The following MAP2K4 variants were observed in gnomAD, a reference collection of about 807,000 sequenced individuals.
MAP2K4 encodes the protein mitogen-activated protein kinase kinase 4, also known as dual specificity mitogen-activated protein kinase kinase 4.
Under a neutral mutation model 48.5 loss-of-function variants are expected in MAP2K4, and 4 were observed. The observed-to-expected ratio is 0.08, with a 90% confidence interval of 0.04 to 0.19. MAP2K4 has a LOEUF of 0.19. Ranked by LOEUF, MAP2K4 falls within the 10% of genes least tolerant of loss-of-function variation. The pLI, the probability that MAP2K4 is intolerant of heterozygous loss-of-function variation, is 1.00. For missense variants in MAP2K4, 258 were observed against 493.3 expected (o/e 0.52, Z 4.52); for synonymous variants, 166 against 173.1 (o/e 0.96, Z 0.32).
chr17:12,021,218 T>C, intron 1 of MAP2K4: 1 of 309,966 alleles, frequency 3.2e-6, no homozygotes, highest in Non-Finnish European at 5.9e-6. Context: ...CCGCGGCCTC[T>C]GCCTGCGCTT....
At chr17:12,056,509 T>C (rs1970286877) in intron 2 of MAP2K4, among the ~76,000 whole-genome samples, 1 of 152,100 alleles carries the variant, frequency 6.6e-6, no homozygotes, top group Non-Finnish European at 1.5e-5. Flanking sequence ...CATCCTTTGT[T>C]TCTTCCCAGC....
At chr17:12,115,275 C>T (rs1207083972) in intron 7 of MAP2K4, among the ~76,000 whole-genome samples, 2 of 152,086 alleles carry the variant, frequency 1.3e-5, no homozygotes, top group Non-Finnish European at 2.9e-5. Context: ...GTTGCTTAAC[C>T]GTGGGAATAT....
chr17:12,115,850 AT>A, intron 7 of MAP2K4: 1 of 697,980 alleles, frequency 1.4e-6, no homozygotes, highest in Admixed American at 1.8e-5. Context: ...GAATAAAACC[AT>A]GTACTGCATC....
At chr17:12,113,893 A>T (rs1972391629) in intron 7 of MAP2K4, among the ~76,000 whole-genome samples, 1 of 151,890 alleles carries the variant, frequency 6.6e-6, no homozygotes, top group Non-Finnish European at 1.5e-5. Context: ...TAGATATCAA[A>T]CTCATCTTAC....
chr17:12,111,775 C>T (rs1226327054), intron 6 of MAP2K4, among the ~76,000 whole-genome samples: 2 of 152,094 alleles, frequency 1.3e-5, no homozygotes, highest in South Asian at 2.1e-4. Context: ...TCTCTTTAAA[C>T]TTCAGGGAAA....
intron 4 of MAP2K4, among the ~76,000 whole-genome samples, chr17:12,103,896 TTTTA>T (rs1972024693): frequency 6.6e-6 from 1 of 152,012 alleles, no homozygotes; most frequent in African/African-American, 2.4e-5. Context: ...AAATACACCT[TTTTA>T]TTTTATTTTT....
chr17:12,041,656 G>GA (rs3838884), intron 1 of MAP2K4, among the ~76,000 whole-genome samples: 2,093 of 151,714 alleles, frequency 0.014, 17 homozygotes, highest in East Asian at 0.047. Context: ...GATTAATGAG[G>GA]AAAAAAAAGA....
At chr17:12,054,108 A>T (rs1464110108) in intron 1 of MAP2K4, among the ~76,000 whole-genome samples, 2 of 152,158 alleles carry the variant, frequency 1.3e-5, no homozygotes, top group East Asian at 3.9e-4. Context: ...AAGCATTTTC[A>T]TGGTCTGATT....
rs185896100 is a variant in MAP2K4, at chr17:12,029,278, G to A, written c.115+8277G>A. ...CTTTATTTCTTTTATAGGCTTACTA[G>A]CATTCTGTCCTATGCATTTTGATAT... On this transcript the variant is annotated intron_variant, in intron 1 of 10. Coordinates refer to ENST00000353533, the MANE Select transcript of MAP2K4 (RefSeq NM_003010.4). 7.5e-4 allele frequency among the ~76,000 whole-genome samples: 114 copies of A among 152,244 alleles called. 2 individuals are homozygous for A. Among genetic ancestry groups the A allele is most frequent in the Admixed American group, 2.0e-4 (3 of 15,296 alleles).
intron 2 of MAP2K4, among the ~76,000 whole-genome samples, chr17:12,080,152 T>G (rs1331131409): frequency 6.6e-6 from 1 of 152,228 alleles, no homozygotes; most frequent in Non-Finnish European, 1.5e-5. Context: ...TTTAAAGTTC[T>G]AAGTTTTTTG....
At chr17:12,102,736 T>G (rs1971974170) in intron 4 of MAP2K4, among the ~76,000 whole-genome samples, 1 of 152,174 alleles carries the variant, frequency 6.6e-6, no homozygotes. Flanking sequence ...GTATTTCTTG[T>G]CGAGTGATCT....
chr17:12,082,635 C>G (rs28923185), intron 3 of MAP2K4, among the ~76,000 whole-genome samples: 25,632 of 152,164 alleles, frequency 0.17, 2,538 homozygotes, highest in South Asian at 0.3. Flanking sequence ...GTATCCTTCA[C>G]TGTTGAGCAT....
intron 9 of MAP2K4, among the ~76,000 whole-genome samples, chr17:12,133,070 TTTGTTG>T (rs539104400): frequency 7.2e-5 from 11 of 151,752 alleles, no homozygotes; most frequent in East Asian, 1.9e-4. Flanking sequence ...CTTCTTGGGT[TTTGTTG>T]TTGTTGTTGT....
chr17:12,086,549 A>G (rs964774693), intron 3 of MAP2K4, among the ~76,000 whole-genome samples: 18 of 152,318 alleles, frequency 1.2e-4, no homozygotes, highest in Non-Finnish European at 2.2e-4. Context: ...AAAACAGCCA[A>G]AATCAGTACT....
intron 2 of MAP2K4, among the ~76,000 whole-genome samples, chr17:12,070,409 G>A (rs1970765143): frequency 6.6e-6 from 1 of 152,048 alleles, no homozygotes; most frequent in African/African-American, 2.4e-5. Context: ...TCCTAGAAGG[G>A]TTTCTGCCCC....
chr17:12,104,007 G>A (rs1275154676), intron 4 of MAP2K4, among the ~76,000 whole-genome samples: 10 of 151,920 alleles, frequency 6.6e-5, no homozygotes, highest in Non-Finnish European at 5.9e-5. Flanking sequence ...TGACAACTTA[G>A]GTTACAGATT....
intron 2 of MAP2K4, among the ~76,000 whole-genome samples, chr17:12,062,305 C>A (rs950032818): frequency 2.0e-5 from 3 of 152,050 alleles, no homozygotes; most frequent in African/African-American, 4.8e-5. Context: ...TTAATTATTT[C>A]TCAAGCTTTT....
At chr17:12,056,799 A>G (rs1275445925) in intron 2 of MAP2K4, among the ~76,000 whole-genome samples, 1 of 152,156 alleles carries the variant, frequency 6.6e-6, no homozygotes, top group Non-Finnish European at 1.5e-5. Flanking sequence ...TTTGCCATCA[A>G]GCACTAAAAA....
rs113909489 is a variant in MAP2K4 at position 12,090,917 on chromosome 17, T to C, written c.394-4658T>C. On this transcript the variant is annotated intron_variant, in intron 3 of 10. Transcript: ENST00000353533. Reference sequence around the variant, plus strand: ...TTCATGATAACAATGTGTCATAGTCTGCTTTAAAGTTTTTCATACTTACCG... The same window carrying C: ...TTCATGATAACAATGTGTCATAGTCCGCTTTAAAGTTTTTCATACTTACCG... 2.8e-4 allele frequency among the ~76,000 whole-genome samples: 43 copies of C among 152,356 alleles called. 1 individual carries two copies. The highest frequency in any genetic ancestry group is 1.0e-3 in the African/African-American group (42 of 41,584).
Sources: gnomAD v4.1 joint callset for allele counts (sites outside exome capture counted in the v4.1 genomes callset) on GRCh38, gnomAD v4.1.1 for gene constraint, MANE v1.5 for transcripts, NCBI Gene and HGNC (gene_info 2026-07-23, HGNC 2026-07-21) for gene names.